Variants in FRAS1 observed in about 807,000 individuals in gnomAD.
FRAS1 encodes Fraser extracellular matrix complex subunit 1.
A neutral mutation model predicts 435.2 loss-of-function variants in FRAS1; 290 were observed. The ratio of observed to expected loss-of-function variants is 0.67; its 90% confidence interval spans 0.61 to 0.73. The LOEUF is 0.73. FRAS1 is among the 30% of genes least tolerant of loss of function. FRAS1 has a pLI of 0.00. For missense variants in FRAS1, 4,860 were observed against 5,001.5 expected (o/e 0.97, Z 0.85); for synonymous variants, 1,800 against 1,851.0 (o/e 0.97, Z 0.71).
At chr4:78,503,525 T>C (rs1375543234) in intron 61 of FRAS1, among the ~76,000 whole-genome samples, 1 of 152,246 alleles carries the variant, frequency 6.6e-6, no homozygotes, top group East Asian at 1.9e-4. Context: ...TATTCTCTGA[T>C]GGTAGTTTGT....
intron 23 of FRAS1, among the ~76,000 whole-genome samples, chr4:78,371,684 T>C (rs1049668913): frequency 1.3e-5 from 2 of 152,212 alleles, no homozygotes; most frequent in South Asian, 2.1e-4. Context: ...CTTACCTTTC[T>C]TCAAAACCCA....
At chr4:78,134,053 G>A (rs1026167989) in intron 2 of FRAS1, among the ~76,000 whole-genome samples, 3 of 148,774 alleles carry the variant, frequency 2.0e-5, no homozygotes, top group African/African-American at 7.5e-5. Context: ...TCCACCTCCC[G>A]GGTCATGCCA....
chr4:78,331,095 T>C (rs4386625), intron 18 of FRAS1, among the ~76,000 whole-genome samples: 6,655 of 152,236 alleles, frequency 0.044, 411 homozygotes, highest in African/African-American at 0.14. Context: ...AAAGAACCTA[T>C]GTGAATATCG....
At chr4:78,167,891 G>T (rs1052403310) in intron 2 of FRAS1, among the ~76,000 whole-genome samples, 1 of 152,008 alleles carries the variant, frequency 6.6e-6, no homozygotes, top group Non-Finnish European at 1.5e-5. Flanking sequence ...AGTTCTTTTA[G>T]CTCATAAACT....
intron 2 of FRAS1, among the ~76,000 whole-genome samples, chr4:78,146,948 G>C (rs959876593): frequency 6.6e-6 from 1 of 151,904 alleles, no homozygotes; most frequent in South Asian, 2.1e-4. Context: ...CTCTAATGTT[G>C]ACCCCAGACT....
chr4:78,318,207 C>T (rs566446145), intron 17 of FRAS1, among the ~76,000 whole-genome samples: 8 of 152,232 alleles, frequency 5.3e-5, no homozygotes, highest in Middle Eastern at 3.4e-3. Context: ...TTTTAAAGAA[C>T]GGGAGAGTTA....
chr4:78,522,496 G>A (rs1721416693), intron 68 of FRAS1, among the ~76,000 whole-genome samples, 153 bp from the exon 69 acceptor site: 1 of 152,150 alleles, frequency 6.6e-6, no homozygotes, highest in African/African-American at 2.4e-5. Context: ...ATCCAGTGTG[G>A]AATATATTCT....
At chr4:78,240,351 A>G (rs1488968731) in intron 3 of FRAS1, among the ~76,000 whole-genome samples, 2 of 152,132 alleles carry the variant, frequency 1.3e-5, no homozygotes, top group Non-Finnish European at 2.9e-5. Flanking sequence ...CTGATAGTGT[A>G]GGGATCAAGA....
chr4:78,072,789 T>C (rs1023133038), intron 2 of FRAS1, among the ~76,000 whole-genome samples: 1 of 123,378 alleles, frequency 8.1e-6, no homozygotes, highest in African/African-American at 2.7e-5. Flanking sequence ...TGTACTTATT[T>C]TGTGATAAAA....
chr4:78,422,348 C>A (rs563686379), intron 34 of FRAS1, among the ~76,000 whole-genome samples: 99 of 152,038 alleles, frequency 6.5e-4, no homozygotes, highest in African/African-American at 2.2e-3. Flanking sequence ...TGATAAATAA[C>A]CCCAGGAATG....
At chr4:78,289,730 G>C (rs145693271) in intron 14 of FRAS1, among the ~76,000 whole-genome samples, 1 of 152,034 alleles carries the variant, frequency 6.6e-6, no homozygotes, top group South Asian at 2.1e-4. Context: ...CGCTTGCCCT[G>C]CTCTCACCCA....
At chr4:78,520,256 GT>G (rs3028431) in intron 67 of FRAS1, among the ~76,000 whole-genome samples, 53,140 of 143,336 alleles carry the variant, frequency 0.37, 9,831 homozygotes, top group Admixed American at 0.42. Flanking sequence ...TGTTTTTCTT[GT>G]TTTTTTTTTT....
At chr4:78,317,245 C>G in intron 16 of FRAS1, 123 bp from the exon 17 acceptor site, 1 of 1,078,906 alleles carries the variant, frequency 9.3e-7, no homozygotes, top group Non-Finnish European at 1.4e-6. Flanking sequence ...AACACATTTT[C>G]CCCTTGGTTT....
In FRAS1 at chr4:78,150,313, A is replaced by G. The variant is rs371897288; in HGVS notation, c.108+84297A>G. Among the ~76,000 whole-genome samples, 64 of 152,308 alleles carry G rather than the reference A, an allele frequency of 4.2e-4. No individual in the cohort carries two copies. In the South Asian group the frequency reaches 9.5e-3, roughly 23 times the overall value. On this transcript the variant is annotated intron_variant, in intron 2 of 73. Coordinates refer to ENST00000512123, the MANE Select transcript of FRAS1 (RefSeq NM_025074.7). ...TTTAGAAGGGGAACCTATTTTTCCA[A>G]TGAAATCTCTTACTATTCCCTGTAT...
At chr4:78,437,960 G>C (rs1339769009) in intron 38 of FRAS1, among the ~76,000 whole-genome samples, 4 of 139,742 alleles carry the variant, frequency 2.9e-5, no homozygotes, top group Non-Finnish European at 6.4e-5. Flanking sequence ...TAGGCATCTT[G>C]GGAAGTGAAC....
intron 2 of FRAS1, among the ~76,000 whole-genome samples, chr4:78,081,587 A>G (rs1376109224): frequency 6.6e-6 from 1 of 152,156 alleles, no homozygotes; most frequent in African/African-American, 2.4e-5. Flanking sequence ...AATTGAGTTC[A>G]GACTTTCTGA....
chr4:78,101,185 C>T (rs1742111391), intron 2 of FRAS1, among the ~76,000 whole-genome samples: 2 of 151,646 alleles, frequency 1.3e-5, no homozygotes, highest in South Asian at 2.1e-4. Flanking sequence ...TGGTGACTGA[C>T]CCAACAAGTG....
chr4:78,266,075 AGGAAC>A (rs1419815609), intron 7 of FRAS1, among the ~76,000 whole-genome samples: 2 of 152,236 alleles, frequency 1.3e-5, no homozygotes, highest in Non-Finnish European at 2.9e-5. Context: ...TTCAACTACA[AGGAAC>A]AGAAATCCCA....
intron 14 of FRAS1, among the ~76,000 whole-genome samples, chr4:78,301,853 T>TTA (rs1365827740): frequency 1.3e-5 from 2 of 149,096 alleles, no homozygotes; most frequent in African/African-American, 5.0e-5. Flanking sequence ...ACAGTTTTTT[T>TTA]TTTTTTTTTT....
Sources: gnomAD v4.1 joint callset for allele counts (sites outside exome capture counted in the v4.1 genomes callset) on GRCh38, gnomAD v4.1.1 for gene constraint, MANE v1.5 for transcripts, NCBI Gene and HGNC (gene_info 2026-07-23, HGNC 2026-07-21) for gene names.